The following CLIC5 variants were observed in gnomAD, a reference collection of about 807,000 sequenced individuals.
CLIC5 encodes the protein chloride intracellular channel protein 5.
CLIC5 carries 20 observed loss-of-function variants against 24.7 expected under a neutral mutation model. The observed-to-expected ratio is 0.81, with a 90% CI of 0.57 to 1.18. The LOEUF (loss-of-function observed/expected upper bound fraction) is 1.18, where lower values mean the gene tolerates loss of function less well. Among genes scored for constraint, CLIC5 ranks in the 50% most tolerant of loss-of-function variants. CLIC5 has a pLI of 0.00. For missense variants in CLIC5, 341 were observed against 326.1 expected (o/e 1.05, Z -0.35); for synonymous variants, 159 against 135.6 (o/e 1.17, Z -1.20).
Position 45,999,732 on chromosome 6 carries a change from G to GTTTTTTTTTTTTTTTTT in CLIC5, c.63+15731_63+15747dup, listed in dbSNP as rs1201850451. ...GTAAATCTATTTTCTCTTCCTTGTG[G>GTTTTTTTTTTTTTTTTT]TTTTTTTTTTTTTTTTTTTTTTTTG... On this transcript the variant is annotated intron_variant, in intron 1 of 5. Transcript: ENST00000339561. Among the ~76,000 whole-genome samples, 2 of 50,848 alleles carry GTTTTTTTTTTTTTTTTT rather than the reference G, an allele frequency of 3.9e-5. 1 individual carries two copies. The highest frequency in any genetic ancestry group is 1.9e-4 in the African/African-American group (2 of 10,450). The allele number at this position is 50,848 out of a possible 152,430, so 33.4% of individuals were successfully genotyped here.
chr6:45,943,240 A>G (rs1176505664), intron 3 of CLIC5, among the ~76,000 whole-genome samples: 1 of 152,338 alleles, frequency 6.6e-6, no homozygotes, highest in East Asian at 1.9e-4. Flanking sequence ...TAGGTTTTAA[A>G]TTCCACATTG....
chr6:46,031,351 A>C (rs1767492992), intron 1 of CLIC5, among the ~76,000 whole-genome samples: 1 of 152,224 alleles, frequency 6.6e-6, no homozygotes, highest in African/African-American at 2.4e-5. Context: ...CAACAAGGTG[A>C]GCCTTGACTC....
intron 1 of CLIC5, among the ~76,000 whole-genome samples, chr6:45,989,799 C>A (rs1275959386): frequency 6.6e-6 from 1 of 152,118 alleles, no homozygotes; most frequent in African/African-American, 2.4e-5. Flanking sequence ...ATAGTGAAAA[C>A]CCCACCCCTG....
intron 4 of CLIC5, among the ~76,000 whole-genome samples, chr6:45,926,531 T>G (rs907920247): frequency 2.6e-5 from 4 of 152,060 alleles, no homozygotes; most frequent in Non-Finnish European, 5.9e-5. Flanking sequence ...GCTGGGATTA[T>G]AGGCATGAGC....
intron 1 of CLIC5, among the ~76,000 whole-genome samples, chr6:46,077,749 A>G (rs1762810073): frequency 6.6e-6 from 1 of 152,224 alleles, no homozygotes; most frequent in South Asian, 2.1e-4. Context: ...TGCTAAAAAG[A>G]ATGTAAACTT....
intron 3 of CLIC5, among the ~76,000 whole-genome samples, chr6:45,945,401 G>A (rs888682607): frequency 6.6e-6 from 1 of 152,112 alleles, no homozygotes; most frequent in Non-Finnish European, 1.5e-5. Context: ...GATCACGTGT[G>A]GATTCTGACC....
the CLIC5 span, among the ~76,000 whole-genome samples, chr6:46,127,895 C>T: frequency 6.6e-6 from 1 of 152,166 alleles, no homozygotes; most frequent in Non-Finnish European, 1.5e-5. Flanking sequence ...AAATGAATTA[C>T]ATGGTTCCTG....
At chr6:45,880,982 G>A (rs528938350), downstream of CLIC5, 228 of 394,724 alleles carry the variant, frequency 5.8e-4, no homozygotes, top group Middle Eastern at 1.9e-3. Context: ...ATGGGGGGAC[G>A]GGTGCAGGGA....
At chr6:45,966,616 C>T (rs942844695) in intron 1 of CLIC5, among the ~76,000 whole-genome samples, 7 of 152,170 alleles carry the variant, frequency 4.6e-5, no homozygotes, top group South Asian at 2.1e-4. Context: ...GACCAACCAC[C>T]GACAGTAGCA....
At chr6:46,126,958 T>A in the CLIC5 span, among the ~76,000 whole-genome samples, 214 of 152,324 alleles carry the variant, frequency 1.4e-3, no homozygotes, top group African/African-American at 5.0e-3. Flanking sequence ...ATAAGATTTT[T>A]AAAATATTTT....
At chr6:46,091,323 C>A in the CLIC5 span, among the ~76,000 whole-genome samples, 1 of 152,220 alleles carries the variant, frequency 6.6e-6, no homozygotes, top group Non-Finnish European at 1.5e-5. Context: ...GTTTTACACT[C>A]CACATATAAG....
chr6:46,109,708 T>C, the CLIC5 span, among the ~76,000 whole-genome samples: 1 of 152,112 alleles, frequency 6.6e-6, no homozygotes, highest in Non-Finnish European at 1.5e-5. Context: ...ACTTTTTCTT[T>C]TGAGCTATTT....
At chr6:46,017,417 C>T (rs141300961), upstream of CLIC5, among the ~76,000 whole-genome samples, 51 of 152,224 alleles carry the variant, frequency 3.4e-4, no homozygotes, top group African/African-American at 1.1e-3. Context: ...ATAATGATCC[C>T]AATTTTACAA....
chr6:46,030,258 A>G (rs1208223419), intron 1 of CLIC5, among the ~76,000 whole-genome samples: 3 of 152,158 alleles, frequency 2.0e-5, no homozygotes, highest in Non-Finnish European at 2.9e-5. Context: ...CATAGATCCT[A>G]TCACTAAAAC....
chr6:46,111,033 T>C, the CLIC5 span, among the ~76,000 whole-genome samples: 1 of 152,236 alleles, frequency 6.6e-6, no homozygotes, highest in Non-Finnish European at 1.5e-5. Flanking sequence ...TATTCGATTG[T>C]AGCCTTGTTG....
rs80101946 is a variant in CLIC5 at position 45,936,723 on chromosome 6, C to T, written c.406+4824G>A. 2.4e-3 allele frequency among the ~76,000 whole-genome samples: 370 copies of T among 152,240 alleles called. 19 individuals are homozygous for T. The East Asian group carries it at 0.061, about 25-fold the overall frequency. ...CTGCAAGTTGAGCCATACACAGTCA[C>T]CTGCCTCTCTGCATAGGAAACACAG... On this transcript the variant is annotated intron_variant, in intron 4 of 5. Coordinates refer to ENST00000339561, the MANE Select transcript of CLIC5 (RefSeq NM_016929.5).
the CLIC5 span, among the ~76,000 whole-genome samples, chr6:46,093,666 C>G: frequency 2.0e-5 from 3 of 152,304 alleles, no homozygotes; most frequent in Admixed American, 2.0e-4. Context: ...TTCTTATAAA[C>G]TGTTGGTAGG....
At chr6:45,949,062 G>A (rs1048173424) in intron 3 of CLIC5, among the ~76,000 whole-genome samples, 194 bp downstream of exon 3, 14 of 152,150 alleles carry the variant, frequency 9.2e-5, no homozygotes, top group African/African-American at 3.1e-4. Flanking sequence ...CTACTCTTGA[G>A]TGGATTTTGT....
intron 1 of CLIC5, among the ~76,000 whole-genome samples, chr6:45,973,179 G>A (rs1765260522): frequency 6.6e-6 from 1 of 152,162 alleles, no homozygotes; most frequent in Non-Finnish European, 1.5e-5. Context: ...ACCCCCTGAA[G>A]TTACCTGCCT....
Sources: gnomAD v4.1 joint callset for allele counts (sites outside exome capture counted in the v4.1 genomes callset) on GRCh38, gnomAD v4.1.1 for gene constraint, MANE v1.5 for transcripts, NCBI Gene and HGNC (gene_info 2026-07-23, HGNC 2026-07-21) for gene names.